Variants in PTK2 observed in about 807,000 individuals in gnomAD.
PTK2 encodes focal adhesion kinase 1.
A neutral mutation model predicts 150.1 loss-of-function variants in PTK2; 45 were observed. The ratio of observed to expected loss-of-function variants is 0.30; its 90% confidence interval spans 0.24 to 0.38. PTK2 has a LOEUF of 0.38. PTK2 is among the 10% of genes least tolerant of loss of function. PTK2 has a pLI of 1.00. For missense variants in PTK2, 919 were observed against 1,307.3 expected (o/e 0.70, Z 4.58); for synonymous variants, 432 against 449.2 (o/e 0.96, Z 0.48).
At chr8:140,990,185 G>A (rs771126224) in intron 1 of PTK2, among the ~76,000 whole-genome samples, 3 of 151,792 alleles carry the variant, frequency 2.0e-5, no homozygotes, top group Non-Finnish European at 4.4e-5. Flanking sequence ...AATGGTCATC[G>A]CAGAATATAA....
chr8:140,660,187 C>T (rs954539794), intron 31 of PTK2, among the ~76,000 whole-genome samples: 2 of 152,180 alleles, frequency 1.3e-5, no homozygotes, highest in Non-Finnish European at 2.9e-5. Context: ...TTATTAATCT[C>T]AGTGACTGGC....
chr8:140,909,518 A>ATC (rs2100162258), intron 2 of PTK2: 2 of 152,222 alleles, frequency 1.3e-5, no homozygotes, highest in Admixed American at 1.3e-4. Flanking sequence ...AGATGGTGAC[A>ATC]TCTGAACAAG....
chr8:140,882,799 T>C (rs2100149951), intron 3 of PTK2, among the ~76,000 whole-genome samples: 1 of 152,158 alleles, frequency 6.6e-6, no homozygotes, highest in South Asian at 2.1e-4. Context: ...GACCACTGCA[T>C]AGAAACAGAC....
intron 2 of PTK2, chr8:140,909,585 CA>C (rs1367920869): frequency 1.3e-5 from 2 of 152,184 alleles, no homozygotes; most frequent in Non-Finnish European, 2.9e-5. Flanking sequence ...TTAGCTCTCA[CA>C]ATTATACAAC....
chr8:140,924,880 T>C (rs2100168880), intron 2 of PTK2, among the ~76,000 whole-genome samples: 1 of 152,176 alleles, frequency 6.6e-6, no homozygotes, highest in Non-Finnish European at 1.5e-5. Flanking sequence ...GTGTGTGAGA[T>C]TAGATAAAAT....
At chr8:140,816,534 G>A (rs2100104819) in intron 10 of PTK2, among the ~76,000 whole-genome samples, 1 of 152,054 alleles carries the variant, frequency 6.6e-6, no homozygotes, top group Non-Finnish European at 1.5e-5. Context: ...GAGATTTGGG[G>A]AAAAAAATCA....
intron 26 of PTK2, among the ~76,000 whole-genome samples, chr8:140,699,945 A>G (rs2100029246): frequency 2.0e-5 from 3 of 152,160 alleles, no homozygotes; most frequent in African/African-American, 4.8e-5. Context: ...CAAAACCTAA[A>G]AAGTGCTGAA....
chr8:140,737,429 TA>T (rs745623093), intron 21 of PTK2, among the ~76,000 whole-genome samples: 3 of 152,186 alleles, frequency 2.0e-5, no homozygotes, highest in Non-Finnish European at 2.9e-5. Context: ...ATCCTCACAG[TA>T]ACCTTATGTT....
chr8:140,960,645 C>T (rs1466822879), intron 1 of PTK2, among the ~76,000 whole-genome samples: 2 of 152,192 alleles, frequency 1.3e-5, no homozygotes, highest in Admixed American at 6.5e-5. Flanking sequence ...CAAAATTGTT[C>T]ATTGCCACAT....
At chr8:140,687,900 T>C (rs1300252726) in intron 26 of PTK2, among the ~76,000 whole-genome samples, 2 of 152,104 alleles carry the variant, frequency 1.3e-5, no homozygotes, top group East Asian at 3.9e-4. Flanking sequence ...CCCTTCCCCC[T>C]TTCCTTCCCT....
intron 14 of PTK2, among the ~76,000 whole-genome samples, chr8:140,785,693 C>CTCT (rs1260304718): frequency 2.3e-4 from 35 of 152,142 alleles, no homozygotes; most frequent in Non-Finnish European, 3.4e-4. Flanking sequence ...TTGCTCATGA[C>CTCT]AGGCAATAGA....
intron 26 of PTK2, among the ~76,000 whole-genome samples, chr8:140,692,757 T>C (rs926828367): frequency 1.3e-5 from 2 of 152,216 alleles, no homozygotes; most frequent in Admixed American, 6.5e-5. Context: ...CTATACTGTA[T>C]TGCTTTCAAA....
intron 11 of PTK2, among the ~76,000 whole-genome samples, chr8:140,802,365 A>G (rs2100095606): frequency 6.6e-6 from 1 of 152,202 alleles, no homozygotes. Flanking sequence ...AGCTTACAGA[A>G]TAAGTATGTA....
At chr8:140,912,908 T>C (rs2100163789) in intron 2 of PTK2, among the ~76,000 whole-genome samples, 1 of 151,898 alleles carries the variant, frequency 6.6e-6, no homozygotes, top group South Asian at 2.1e-4. Flanking sequence ...ATCGTGCCAC[T>C]GCACTCCAGC....
At chr8:140,997,966 T>A (rs2100198438) in intron 1 of PTK2, among the ~76,000 whole-genome samples, 1 of 152,232 alleles carries the variant, frequency 6.6e-6, no homozygotes, top group African/African-American at 2.4e-5. Flanking sequence ...ATTGCTTTTT[T>A]AGACATGTTA....
At chr8:140,879,676 G>GAAA in intron 3 of PTK2, 39 bp from the exon 4 acceptor site, 528 of 34,570 alleles carry the variant, frequency 0.015, 8 homozygotes, top group African/African-American at 0.053. Context: ...GTTATAAACT[G>GAAA]AAAAAAAAAA....
At chr8:140,907,157 C>T (rs987028488) in intron 2 of PTK2, among the ~76,000 whole-genome samples, 3 of 152,138 alleles carry the variant, frequency 2.0e-5, no homozygotes, top group Non-Finnish European at 4.4e-5. Context: ...TTAGACATTC[C>T]AACACATGCT....
chr8:140,927,805 A>G (rs1233293640), intron 1 of PTK2, among the ~76,000 whole-genome samples: 1 of 151,356 alleles, frequency 6.6e-6, no homozygotes, highest in Admixed American at 6.6e-5. Context: ...AATACAAAAA[A>G]TTGGCCGCGC....
chr8:140,775,988 G>A (rs1340817012), intron 14 of PTK2, among the ~76,000 whole-genome samples: 3 of 152,028 alleles, frequency 2.0e-5, no homozygotes, highest in Non-Finnish European at 2.9e-5. Flanking sequence ...AAGAACAATG[G>A]ACAATCAATA....
Sources: allele counts gnomAD v4.1 joint callset (sites outside exome capture counted in the v4.1 genomes callset), GRCh38; gene constraint gnomAD v4.1.1; transcripts MANE v1.5; gene names NCBI Gene and HGNC (gene_info 2026-07-23, HGNC 2026-07-21).